The following STIM1 variants were observed in gnomAD, a reference collection of about 807,000 sequenced individuals.
The protein encoded by STIM1 is stromal interaction molecule 1.
A neutral mutation model predicts 74.7 loss-of-function variants in STIM1; 25 were observed. The observed-to-expected ratio is 0.33, with a 90% CI of 0.24 to 0.47. STIM1 has a LOEUF of 0.47. Ranked by LOEUF, STIM1 falls within the 20% of genes least tolerant of loss-of-function variation. The pLI, the probability that STIM1 is intolerant of heterozygous loss-of-function variation, is 1.00. For synonymous variants in STIM1, 328 were observed against 348.8 expected, an observed-to-expected ratio of 0.94 and a Z score of 0.66; for missense variants, 728 against 920.8, an observed-to-expected ratio of 0.79 and a Z score of 2.71.
intron 2 of STIM1, among the ~76,000 whole-genome samples, chr11:4,010,458 A>G (rs1341389155): frequency 6.6e-6 from 1 of 152,182 alleles, no homozygotes; most frequent in Non-Finnish European, 1.5e-5. Flanking sequence ...GGCATGAGCC[A>G]CTGCGCCCGG....
chr11:4,040,539 T>C (rs1003230482), intron 3 of STIM1, among the ~76,000 whole-genome samples: 3 of 152,216 alleles, frequency 2.0e-5, no homozygotes, highest in African/African-American at 7.2e-5. Flanking sequence ...TCACAGCCCT[T>C]AGCACACTAA....
chr11:4,026,083 G>T (rs2093995908), intron 3 of STIM1, among the ~76,000 whole-genome samples: 1 of 152,150 alleles, frequency 6.6e-6, no homozygotes, highest in South Asian at 2.1e-4. Context: ...ATGATTTCCA[G>T]AGCTACAAAA....
intron 2 of STIM1, among the ~76,000 whole-genome samples, chr11:3,992,529 AC>A (rs1204567713): frequency 7.2e-5 from 11 of 152,320 alleles, no homozygotes; most frequent in Admixed American, 2.6e-4. Flanking sequence ...CTTATGAGAT[AC>A]GTGATTTGAA....
chr11:4,014,519 A>G (rs1327358145), intron 2 of STIM1, among the ~76,000 whole-genome samples: 2 of 152,320 alleles, frequency 1.3e-5, no homozygotes, highest in East Asian at 3.9e-4. Context: ...AGAAGAATGT[A>G]TAGTCTGTTG....
intron 1 of STIM1, among the ~76,000 whole-genome samples, chr11:3,936,581 A>T (rs2092934106): frequency 6.6e-6 from 1 of 152,216 alleles, no homozygotes; most frequent in East Asian, 1.9e-4. Flanking sequence ...ATCTGAAAAA[A>T]GGACGGCTCC....
At chr11:3,999,223 A>G (rs1393222726) in intron 2 of STIM1, among the ~76,000 whole-genome samples, 2 of 152,190 alleles carry the variant, frequency 1.3e-5, no homozygotes, top group South Asian at 2.1e-4. Context: ...CTGTAGTCCA[A>G]GCTACTCGGG....
rs747547917 is a variant in STIM1, at chr11:4,091,412, C to T, written c.1765C>T (p.Arg589Trp). ...LNAMTSNGSH[R>W]LIEGVHPGSL... ...TGCCATGACTTCCAATGGCAGCCAC[C>T]GGCTGATCGAGGGGGTCCACCCAGG... Residue 589 changes from arginine to tryptophan, a missense_variant, in exon 13 of 13, where the codon CGG becomes TGG. Transcript: ENST00000526596. The T allele has an allele frequency of 3.7e-5, 60 of 1,614,212 alleles. No individual in the cohort carries two copies. The highest frequency in any genetic ancestry group is 3.2e-5 in the Non-Finnish European group (38 of 1,180,040).
At chr11:3,938,401 C>G (rs1367630467) in intron 1 of STIM1, among the ~76,000 whole-genome samples, 1 of 152,132 alleles carries the variant, frequency 6.6e-6, no homozygotes, top group African/African-American at 2.4e-5. Context: ...ACAAAATATC[C>G]TGTTGTATCC....
upstream of STIM1, chr11:3,855,436 G>A (rs900438932): frequency 2.6e-5 from 4 of 151,632 alleles, no homozygotes; most frequent in Non-Finnish European, 4.4e-5. Flanking sequence ...GGGAAGCTGG[G>A]ACTTGATCCT....
chr11:3,967,412 C>A, intron 1 of STIM1, 140 bp from the exon 2 acceptor site: 1 of 1,253,572 alleles, frequency 8.0e-7, no homozygotes, highest in Non-Finnish European at 1.2e-6. Context: ...CTAGATGAAA[C>A]ACCTCTGTCA....
intron 1 of STIM1, among the ~76,000 whole-genome samples, chr11:3,912,680 A>G (rs2092584484): frequency 6.6e-6 from 1 of 152,136 alleles, no homozygotes; most frequent in African/African-American, 2.4e-5. Flanking sequence ...CATTTGTTTA[A>G]TAAGACAAAA....
At chr11:3,979,704 G>T (rs533398986) in intron 2 of STIM1, among the ~76,000 whole-genome samples, 1 of 152,242 alleles carries the variant, frequency 6.6e-6, no homozygotes, top group South Asian at 2.1e-4. Context: ...CTCCCAAGTT[G>T]CCGGGGATTA....
chr11:4,051,395 T>A (rs564167043), intron 3 of STIM1, among the ~76,000 whole-genome samples: 1 of 150,902 alleles, frequency 6.6e-6, no homozygotes, highest in South Asian at 2.1e-4. Context: ...CAGGCTGGAG[T>A]GCAGTGACGC....
rs78285130 is a variant in STIM1 at position 3,956,823 on chromosome 11, CAAAAAAAAAAAAAA to C, written c.140-10714_140-10701del. Reference sequence around the variant, plus strand: ...GGGTGACAGAGCAAGACCCTGTCTCCAAAAAAAAAAAAAAAAAAAAAAAAAAAAGTCAGAGAGGA... The same window carrying C: ...GGGTGACAGAGCAAGACCCTGTCTCCAAAAAAAAAAAAAAGTCAGAGAGGA... On this transcript the variant is annotated intron_variant, in intron 1 of 12. Coordinates refer to ENST00000526596, the MANE Select transcript of STIM1 (RefSeq NM_001382567.1). Among the ~76,000 whole-genome samples the C allele has an allele frequency of 6.0e-4, 23 of 38,200 alleles. No individual in the cohort carries two copies. The South Asian group carries it at 0.029, about 49-fold the overall frequency. 25.1% of individuals were successfully genotyped at this position (38,200 alleles called of 152,430 possible).
intron 1 of STIM1, among the ~76,000 whole-genome samples, chr11:3,877,912 T>TA (rs1459169219): frequency 6.6e-6 from 1 of 152,224 alleles, no homozygotes; most frequent in East Asian, 1.9e-4. Context: ...CTTTCTCTTC[T>TA]AGTTAGTTTC....
At chr11:3,901,202 G>T (rs2092340150) in intron 1 of STIM1, among the ~76,000 whole-genome samples, 1 of 151,914 alleles carries the variant, frequency 6.6e-6, no homozygotes, top group South Asian at 2.1e-4. Context: ...TAAAATAAGT[G>T]TTCTTCAGAA....
intron 2 of STIM1, among the ~76,000 whole-genome samples, chr11:4,007,940 T>G (rs915350195): frequency 6.6e-5 from 10 of 152,108 alleles, no homozygotes; most frequent in Admixed American, 1.3e-4. Context: ...AGATAGGGGA[T>G]TGAGACCTCC....
chr11:3,892,796 T>C, intron 1 of STIM1: 1 of 1,613,258 alleles, frequency 6.2e-7, no homozygotes, highest in Non-Finnish European at 8.5e-7. Flanking sequence ...TTCTGCTGTC[T>C]TTGGAACCTT....
intron 2 of STIM1, among the ~76,000 whole-genome samples, chr11:3,986,382 C>T (rs2093558359): frequency 6.6e-6 from 1 of 152,122 alleles, no homozygotes; most frequent in South Asian, 2.1e-4. Context: ...CCTTGGGAAT[C>T]TGTGGTCAGT....
Sources: gnomAD v4.1 joint callset for allele counts (sites outside exome capture counted in the v4.1 genomes callset) on GRCh38, gnomAD v4.1.1 for gene constraint, MANE v1.5 for transcripts, NCBI Gene and HGNC (gene_info 2026-07-23, HGNC 2026-07-21) for gene names.